CRY1: variants seen among roughly 807,000 people sequenced by gnomAD.
CRY1 encodes cryptochrome circadian regulator 1.
In CRY1, 45 loss-of-function variants were observed where a neutral mutation model predicts 76.0. The observed-to-expected ratio is 0.59, with a 90% CI of 0.47 to 0.76. CRY1 has a LOEUF of 0.76. Among genes scored for constraint, CRY1 ranks in the 30% least tolerant of loss-of-function variants. The pLI is 0.00. For missense variants in CRY1, 587 were observed against 716.4 expected (o/e 0.82, Z 2.06); for synonymous variants, 248 against 244.0 (o/e 1.02, Z -0.15).
rs1405990322 is a variant in CRY1 at position 107,000,357 on chromosome 12, T to C, written c.685-275A>G. Among the ~76,000 whole-genome samples the C allele has an allele frequency of 2.0e-5, 3 of 152,064 alleles. No homozygotes were observed. The East Asian group carries it at 5.8e-4, about 29-fold the overall frequency. The stretch of plus-strand genomic sequence containing the variant: ...AGAGCACCTTCAATCTCTCTCTCTT[T>C]TTTTTTTTTCCTGAGACAGGGTCTC... On this transcript the variant is annotated intron_variant, in intron 5 of 12. Coordinates refer to ENST00000008527, the MANE Select transcript of CRY1 (RefSeq NM_004075.5).
At chr12:107,051,167 C>T (rs969351021) in intron 1 of CRY1, among the ~76,000 whole-genome samples, 11 of 151,964 alleles carry the variant, frequency 7.2e-5, no homozygotes, top group South Asian at 2.1e-4. Flanking sequence ...GTTCCCTAAC[C>T]ATATAGCTGT....
Position 107,093,296 on chromosome 12 carries a change from A to G in CRY1, c.-335T>C, listed in dbSNP as rs559619278. 7.4e-4 allele frequency: 187 copies of G among 252,220 alleles called. 6 individuals carry two copies. In the South Asian group the frequency reaches 0.02, roughly 27 times the overall value. The allele number at this position is 252,220 out of a possible 1,614,324, so 15.6% of individuals were successfully genotyped here. A position where few individuals can be genotyped will look rare whatever the true frequency, so the allele number is the denominator to read the frequency against. ...GCAAGTTCCAGGAGCTCGAGCCGCC[A>G]CGACGGCCCGAGCCGGCACGGACGG... On this transcript the variant is annotated 5_prime_UTR_variant, in exon 1 of 13. Transcript: ENST00000008527.
chr12:107,055,600 A>AAAAC (rs1408944715), intron 1 of CRY1, among the ~76,000 whole-genome samples: 2 of 152,210 alleles, frequency 1.3e-5, no homozygotes, highest in African/African-American at 4.8e-5. Context: ...GAAATAAAAA[A>AAAAC]CAAACCTACC....
rs539378621 is a variant in CRY1, at chr12:107,020,841, G to C, written c.267+1243C>G. Among the ~76,000 whole-genome samples the C allele has an allele frequency of 5.1e-4, 78 of 152,320 alleles. No individual in the cohort carries two copies. The South Asian group carries it at 8.5e-3, about 17-fold the overall frequency. On this transcript the variant is annotated intron_variant, in intron 2 of 12. Coordinates refer to ENST00000008527, the MANE Select transcript of CRY1 (RefSeq NM_004075.5). ...GGGCAATGAGGAAACTCAGTTTCTG[G>C]TCTGGGCATTTCCATGAGCTAGTTG...
At chr12:107,037,206 T>C (rs535668271) in intron 1 of CRY1, among the ~76,000 whole-genome samples, 1 of 152,020 alleles carries the variant, frequency 6.6e-6, no homozygotes, top group Non-Finnish European at 1.5e-5. Context: ...TCATGACTGT[T>C]TGAGGAACAA....
chr12:107,021,479 A>G (rs1952557898), intron 2 of CRY1, among the ~76,000 whole-genome samples: 1 of 152,162 alleles, frequency 6.6e-6, no homozygotes, highest in African/African-American at 2.4e-5. Flanking sequence ...AAATAATTAA[A>G]CGTTCAGTAG....
intron 1 of CRY1, among the ~76,000 whole-genome samples, chr12:107,084,473 C>T (rs1436933522): frequency 6.6e-6 from 1 of 152,114 alleles, no homozygotes; most frequent in Admixed American, 6.5e-5. Context: ...GGTACTGGTA[C>T]CAAAACAGAT....
At chr12:107,087,474 G>C (rs998712246) in intron 1 of CRY1, among the ~76,000 whole-genome samples, 1 of 152,242 alleles carries the variant, frequency 6.6e-6, no homozygotes, top group East Asian at 1.9e-4. Context: ...AGAGTCAAGC[G>C]AGATTATTTT....
intron 10 of CRY1, among the ~76,000 whole-genome samples, chr12:106,993,904 GTTTT>G (rs1952205831): frequency 6.6e-6 from 1 of 152,026 alleles, no homozygotes; most frequent in Non-Finnish European, 1.5e-5. Flanking sequence ...ATTACAGTCT[GTTTT>G]ATTATAAGAA....
intron 1 of CRY1, among the ~76,000 whole-genome samples, chr12:107,074,114 T>C (rs761979198): frequency 2.0e-5 from 3 of 152,186 alleles, no homozygotes; most frequent in Non-Finnish European, 4.4e-5. Flanking sequence ...TTTAATTATC[T>C]TCCTTTCATT....
intron 1 of CRY1, among the ~76,000 whole-genome samples, chr12:107,070,650 C>T (rs1226922075): frequency 1.3e-5 from 2 of 150,682 alleles, no homozygotes; most frequent in African/African-American, 2.4e-5. Context: ...CTAGCCACAT[C>T]GCTGGATTCT....
intron 1 of CRY1, among the ~76,000 whole-genome samples, chr12:107,081,223 A>C (rs1336984866): frequency 3.9e-5 from 6 of 152,128 alleles, no homozygotes. Flanking sequence ...TGAAGTTTAA[A>C]TTCTAAAACA....
In CRY1 at chr12:107,011,214, G is replaced by A. The variant is rs530814644; in HGVS notation, c.268-5966C>T. Among the ~76,000 whole-genome samples the A allele has an allele frequency of 5.3e-5, 8 of 152,312 alleles. 1 individual carries two copies. In the South Asian group the frequency reaches 1.7e-3, roughly 32 times the overall value. On this transcript the variant is annotated intron_variant, in intron 2 of 12. Coordinates refer to ENST00000008527, the MANE Select transcript of CRY1 (RefSeq NM_004075.5). ...AACAAACAAACAAAAACTGGGCATG[G>A]TGGCATGTGCCTGTAATCCCAGCTA...
chr12:107,084,991 T>C (rs1335583786), intron 1 of CRY1, among the ~76,000 whole-genome samples: 1 of 145,884 alleles, frequency 6.9e-6, no homozygotes, highest in East Asian at 2.0e-4. Flanking sequence ...AAAAAACCCA[T>C]CAAAAAGTGG....
At chr12:107,018,730 GA>G (rs1952523148) in intron 2 of CRY1, among the ~76,000 whole-genome samples, 2 of 152,132 alleles carry the variant, frequency 1.3e-5, no homozygotes, top group Admixed American at 6.5e-5. Context: ...GCAGGGCCTA[GA>G]AAGAGCCATC....
chr12:107,072,581 A>G (rs1303821120), intron 1 of CRY1, among the ~76,000 whole-genome samples: 1 of 152,244 alleles, frequency 6.6e-6, no homozygotes, highest in African/African-American at 2.4e-5. Flanking sequence ...ATAGGAAGTT[A>G]CTATAAGGCT....
chr12:106,993,094 T>G (rs564285517), intron 10 of CRY1, 58 bp from the exon 11 acceptor site: 1 of 1,548,306 alleles, frequency 6.5e-7, no homozygotes, highest in African/African-American at 1.4e-5. Context: ...ATGTATGTAT[T>G]ATTAAGTCTA....
intron 1 of CRY1, among the ~76,000 whole-genome samples, chr12:107,072,065 G>A (rs1953196635): frequency 6.6e-6 from 1 of 152,204 alleles, no homozygotes; most frequent in Non-Finnish European, 1.5e-5. Context: ...AAGTAGTATA[G>A]TCAAGTCTAA....
chr12:107,007,029 A>G (rs1171084288), intron 2 of CRY1, among the ~76,000 whole-genome samples: 1 of 152,210 alleles, frequency 6.6e-6, no homozygotes, highest in African/African-American at 2.4e-5. Flanking sequence ...AAGTCCTGAA[A>G]AGTGCACATC....
Sources: gnomAD v4.1 joint callset for allele counts (sites outside exome capture counted in the v4.1 genomes callset) on GRCh38, gnomAD v4.1.1 for gene constraint, MANE v1.5 for transcripts, NCBI Gene and HGNC (gene_info 2026-07-23, HGNC 2026-07-21) for gene names.